The following FMN1 variants were observed in gnomAD, a reference collection of about 807,000 sequenced individuals.
The protein encoded by FMN1 is formin 1.
Under a neutral mutation model 132.4 loss-of-function variants are expected in FMN1, and 110 were observed. The ratio of observed to expected loss-of-function variants is 0.83; its 90% CI spans 0.71 to 0.97. The LOEUF (loss-of-function observed/expected upper bound fraction) is 0.97. Among genes scored for constraint, FMN1 ranks in the 50% least tolerant of loss-of-function variants. FMN1 has a pLI of 0.00. For synonymous variants in FMN1, 722 were observed against 651.7 expected, an observed-to-expected ratio of 1.11 and a Z score of -1.64; for missense variants, 1,792 against 1,705.3, an observed-to-expected ratio of 1.05 and a Z score of -0.90.
chr15:32,780,036 T>C (rs1165678399), intron 19 of FMN1, among the ~76,000 whole-genome samples: 1 of 152,210 alleles, frequency 6.6e-6, no homozygotes, highest in Admixed American at 6.5e-5. Flanking sequence ...TATCACTTAT[T>C]AACTGTGTGA....
At position 32,777,816 on chromosome 15, in the gene FMN1, AT is replaced by A. The variant is rs1367177889; in HGVS notation, c.4131-898del. 3.1e-5 allele frequency among the ~76,000 whole-genome samples: 3 copies of A among 98,238 alleles called. 1 individual carries two copies. The highest frequency in any genetic ancestry group is 1.1e-4 in the Admixed American group (1 of 8,888). The allele number at this position is 98,238 out of a possible 152,430, so 64.4% of individuals were successfully genotyped here. ...ATATTATGTATAATATAATACATTT[AT>A]TTATATATTATGTATAATATATAAT... On this transcript the variant is annotated intron_variant, in intron 19 of 20. Coordinates refer to ENST00000616417, the MANE Select transcript of FMN1 (RefSeq NM_001277313.2).
intron 6 of FMN1, among the ~76,000 whole-genome samples, chr15:33,032,186 A>G (rs1238865907): frequency 6.6e-6 from 1 of 152,222 alleles, no homozygotes; most frequent in Admixed American, 6.5e-5. Flanking sequence ...TTAGTTAGGA[A>G]AGAGAAAAGC....
chr15:33,145,602 C>T (rs951828229), intron 4 of FMN1, among the ~76,000 whole-genome samples: 4 of 151,670 alleles, frequency 2.6e-5, no homozygotes, highest in East Asian at 2.0e-4. Flanking sequence ...TGTCCCTCCC[C>T]GTGGTAGCCG....
chr15:33,128,566 T>C (rs373607133), intron 4 of FMN1, among the ~76,000 whole-genome samples: 83 of 152,360 alleles, frequency 5.4e-4, no homozygotes, highest in African/African-American at 1.8e-3. Flanking sequence ...CGGAGTTTCT[T>C]GCTTCCGATG....
chr15:32,847,966 T>C (rs1215521136), intron 17 of FMN1, among the ~76,000 whole-genome samples: 1 of 152,188 alleles, frequency 6.6e-6, no homozygotes, highest in African/African-American at 2.4e-5. Flanking sequence ...GATTTGGTTC[T>C]ATGTTTGTGA....
intron 3 of FMN1, among the ~76,000 whole-genome samples, chr15:33,156,458 A>AT (rs904736857): frequency 1.3e-3 from 180 of 135,948 alleles, no homozygotes; most frequent in African/African-American, 2.2e-3. Flanking sequence ...GTTTTTTTGT[A>AT]TTTTTTTTTT....
chr15:33,137,083 G>A (rs1259108333), intron 4 of FMN1, among the ~76,000 whole-genome samples: 6 of 59,138 alleles, frequency 1.0e-4, no homozygotes, highest in South Asian at 1.6e-3. Context: ...GCAAGACCCC[G>A]TCTCAAAAAA....
chr15:32,810,888 C>A (rs564682232), intron 17 of FMN1: 7 of 447,026 alleles, frequency 1.6e-5, no homozygotes, highest in Non-Finnish European at 2.7e-5. Context: ...ACCAACAGGA[C>A]GCACAGTTAA....
chr15:33,003,396 T>A (rs1391125363), intron 7 of FMN1, among the ~76,000 whole-genome samples: 2 of 152,182 alleles, frequency 1.3e-5, no homozygotes, highest in Non-Finnish European at 1.5e-5. Context: ...AGCATTCTTA[T>A]ACACCAATAA....
rs150221361 is a variant in FMN1 at position 32,966,598 on chromosome 15, G to A, written c.2987+2116C>T. Among the ~76,000 whole-genome samples, 1,138 of 152,106 alleles carry A rather than the reference G, an allele frequency of 7.5e-3. 12 individuals carry two copies. Among genetic ancestry groups the A allele is most frequent in the African/African-American group, 0.026 (1,078 of 41,504 alleles). On this transcript the variant is annotated intron_variant, in intron 8 of 20. Transcript: ENST00000616417. Reference sequence around the variant, plus strand: ...GTCTCTTGCTTATTCTAGAAATCACGAAAGAGACACCCAAGAAGGCAAAAC... The same window carrying A: ...GTCTCTTGCTTATTCTAGAAATCACAAAAGAGACACCCAAGAAGGCAAAAC...
intron 17 of FMN1, 80 bp from the exon 18 acceptor site, chr15:32,804,412 T>G: frequency 6.4e-6 from 2 of 310,178 alleles, no homozygotes; most frequent in Non-Finnish European, 1.2e-5. Context: ...ATTACACCCA[T>G]TCATTACCAC....
intron 7 of FMN1, among the ~76,000 whole-genome samples, chr15:32,973,644 T>C (rs1395529826): frequency 6.6e-6 from 1 of 151,662 alleles, no homozygotes; most frequent in Non-Finnish European, 1.5e-5. Flanking sequence ...ATTACAATTT[T>C]GTCTTGGTTG....
At chr15:32,923,293 C>G (rs1030232017) in intron 10 of FMN1, among the ~76,000 whole-genome samples, 1 of 152,182 alleles carries the variant, frequency 6.6e-6, no homozygotes, top group Non-Finnish European at 1.5e-5. Flanking sequence ...GTCCTTTCAC[C>G]AGGGTGACAA....
At position 32,978,961 on chromosome 15, in the gene FMN1, G is replaced by C. The variant is rs115590784; in HGVS notation, c.2224-9484C>G. On this transcript the variant is annotated intron_variant, in intron 7 of 20. Transcript: ENST00000616417. ...AAATGGAGTCAGTTGATATAAAAAG[G>C]GGCCAGCTGTTGAGTTCTTTCTGGT... 3.1e-3 allele frequency among the ~76,000 whole-genome samples: 469 copies of C among 152,248 alleles called. 3 individuals are homozygous for C. Among genetic ancestry groups the C allele is most frequent in the Middle Eastern group, 0.01 (3 of 294 alleles).
chr15:32,971,409 C>CT (rs1302682984), intron 7 of FMN1, among the ~76,000 whole-genome samples: 1 of 152,144 alleles, frequency 6.6e-6, no homozygotes, highest in Non-Finnish European at 1.5e-5. Context: ...TTTACCTAGC[C>CT]TTTTGTGAGT....
chr15:33,117,514 T>G (rs1436379715), intron 4 of FMN1, among the ~76,000 whole-genome samples: 2 of 152,230 alleles, frequency 1.3e-5, no homozygotes, highest in Non-Finnish European at 2.9e-5. Flanking sequence ...TTAACCTTAA[T>G]ATGCTTTTGG....
At chr15:32,934,454 T>C (rs1194219038) in intron 9 of FMN1, among the ~76,000 whole-genome samples, 2 of 152,192 alleles carry the variant, frequency 1.3e-5, no homozygotes, top group Admixed American at 1.3e-4. Context: ...TATGCTTTTG[T>C]GTTGCTATGT....
intron 6 of FMN1, among the ~76,000 whole-genome samples, chr15:33,016,788 C>T (rs772348222): frequency 1.8e-4 from 27 of 152,304 alleles, no homozygotes; most frequent in Non-Finnish European, 3.5e-4. Context: ...GTCCCACACA[C>T]CTGGGCGATC....
At chr15:32,895,604 T>A (rs781090776) in intron 15 of FMN1, among the ~76,000 whole-genome samples, 26 of 152,276 alleles carry the variant, frequency 1.7e-4, no homozygotes, top group Admixed American at 3.3e-4. Context: ...TGATTTACCA[T>A]ACATGACAGT....
Sources: gnomAD v4.1 joint callset for allele counts (sites outside exome capture counted in the v4.1 genomes callset) on GRCh38, gnomAD v4.1.1 for gene constraint, MANE v1.5 for transcripts, NCBI Gene and HGNC (gene_info 2026-07-23, HGNC 2026-07-21) for gene names.